Variants in TEX15 observed in about 807,000 individuals in gnomAD.
The protein encoded by TEX15 is testis-expressed protein 15.
TEX15 carries 171 observed loss-of-function variants against 237.3 expected under a neutral mutation model. The observed-to-expected ratio is 0.72, with a 90% CI of 0.64 to 0.82. The LOEUF is 0.82. Ranked by LOEUF, TEX15 falls within the 40% of genes least tolerant of loss-of-function variation. The pLI is 0.00. For missense variants in TEX15, 3,750 were observed against 3,646.5 expected, an observed-to-expected ratio of 1.03 and a Z score of -0.73; for synonymous variants, 1,338 against 1,269.8, an observed-to-expected ratio of 1.05 and a Z score of -1.14.
chr8:30,837,574 C>T lies in TEX15; in HGVS notation c.8710G>A (p.Asp2904Asn). ...TTCATTTCTAGATCAGGATGGACAT[C>T]TTTCACAAAACAGAAAATTGGCTTT... ...LSKPIFCFVK[D>N]VHPDLEMNDT... The change falls in exon 10 of 11, where the codon GAT becomes AAT. Residue 2904 changes from aspartate to asparagine, a missense_variant. Physicochemically the swap from Asp to Asn is conservative, Grantham distance 23. Transcript: ENST00000643185. The T allele has an allele frequency of 6.2e-7, 1 of 1,614,066 alleles. No individual in the cohort carries two copies. The highest frequency in any genetic ancestry group is 8.5e-7 in the Non-Finnish European group (1 of 1,179,978).
chr8:30,860,107 T>C, intron 5 of TEX15, 50 bp from the exon 6 acceptor site: 1 of 1,352,572 alleles, frequency 7.4e-7, no homozygotes, highest in Non-Finnish European at 9.7e-7. Context: ...TACCAAAACG[T>C]TTCTAAACTG....
chr8:30,845,444 C>A lies in TEX15; in HGVS notation c.4723G>T (p.Asp1575Tyr). The A allele has an allele frequency of 6.2e-7, 1 of 1,612,662 alleles. No homozygotes were observed. Among genetic ancestry groups the A allele is most frequent in the Non-Finnish European group, 8.5e-7 (1 of 1,179,248 alleles). Reference sequence around the variant, plus strand: ...CTAGTGCTAGATAAAAATGCTGTATCAATTTGATTTTCTTTTTCTATTAGT... The same window carrying A: ...CTAGTGCTAGATAAAAATGCTGTATAAATTTGATTTTCTTTTTCTATTAGT... Reference protein sequence around the residue: ...EKLIEKENQIDTAFLSSTSKY... With the variant: ...EKLIEKENQIYTAFLSSTSKY... The change falls in exon 8 of 11, where the codon GAT becomes TAT. Residue 1575 changes from aspartate (D) to tyrosine (Y), a missense_variant. Coordinates refer to ENST00000643185, the MANE Select transcript of TEX15 (RefSeq NM_001350162.2).
In TEX15 at chr8:30,848,711, C is replaced by G. The variant is rs1400997928; in HGVS notation, c.1456G>C (p.Asp486His). Residue 486 changes from aspartate to histidine, a missense_variant, in exon 8 of 11, where the codon GAT becomes CAT. Transcript: ENST00000643185. ...SASSSEVVPG[D>H]CAVLTNGLDT... ...AAACCATTAGTAAGAACAGCACAATCACCAGGGACAACTTCTGAGGAGGAG... is the reference window on the plus strand; with the variant it reads ...AAACCATTAGTAAGAACAGCACAATGACCAGGGACAACTTCTGAGGAGGAG... 3 of 1,614,176 alleles carry G rather than the reference C, an allele frequency of 1.9e-6. No individual in the cohort carries two copies. The South Asian group carries it at 3.3e-5, about 18-fold the overall frequency.
rs758411502 is a variant in TEX15 at position 30,848,253 on chromosome 8, A to C, written c.1914T>G (p.Thr638=). 15 of 1,611,888 alleles carry C rather than the reference A, an allele frequency of 9.3e-6. No individual in the cohort carries two copies. Among genetic ancestry groups the C allele is most frequent in the Non-Finnish European group, 9.3e-6 (11 of 1,179,674 alleles). ...AATCATTATCAATTTCTTTCCATGA[A>C]GTTTGCTTTTCTTCATGTTTGGAAC... ...EDSSKHEEKQ[T]SWKEIDNDFT... The change falls in exon 8 of 11, where the codon ACT becomes ACG. Residue 638 remains threonine (T), a synonymous_variant. Coordinates refer to ENST00000643185, the MANE Select transcript of TEX15 (RefSeq NM_001350162.2).
At position 30,843,053 on chromosome 8, in the gene TEX15, T is replaced by C; in HGVS notation, c.7114A>G (p.Ile2372Val). Residue 2372 changes from isoleucine (I) to valine (V), a missense_variant, in exon 8 of 11, where the codon ATT becomes GTT. Transcript: ENST00000643185. ...TCAGCCTGATCCAATATCTCACTAA[T>C]ACAACAAATATCTGGGTGTGCAAGC... ...NLLAHPDICCISEILDQAEFA... is the reference protein window; with the variant it reads ...NLLAHPDICCVSEILDQAEFA... The C allele has an allele frequency of 1.2e-6, 2 of 1,613,624 alleles. No individual in the cohort carries two copies. Among genetic ancestry groups the C allele is most frequent in the Non-Finnish European group, 1.7e-6 (2 of 1,179,710 alleles).
chr8:30,843,871 A>G lies in TEX15; in HGVS notation c.6296T>C (p.Leu2099Ser). Residue 2099 changes from leucine (L) to serine (S), a missense_variant, in exon 8 of 11, where the codon TTG (leucine) becomes TCG (serine). Leu to Ser is a moderately radical substitution (Grantham distance 145, BLOSUM62 -2). Transcript: ENST00000643185. Reference protein sequence around the residue: ...KKRHLEGEPTLRSLLWYDETL... With the variant: ...KKRHLEGEPTSRSLLWYDETL... ...TTCATCATACCAAAGCAAGCTTCGC[A>G]ATGTTGGTTCACCTTCTAAGTGCCT... is the stretch of plus-strand genomic sequence containing the variant. 2 of 1,612,586 alleles carry G rather than the reference A, an allele frequency of 1.2e-6. No homozygotes were observed. The highest frequency in any genetic ancestry group is 2.2e-5 in the South Asian group (2 of 90,716).
At chr8:30,893,112 C>T (rs1808828755) in intron 2 of TEX15, among the ~76,000 whole-genome samples, 1 of 151,814 alleles carries the variant, frequency 6.6e-6, no homozygotes, top group African/African-American at 2.4e-5. Flanking sequence ...GTACCAGACA[C>T]TTTTCTAAAT....
In TEX15 at chr8:30,889,238, G is replaced by A. The variant is rs142097345; in HGVS notation, c.-9-1927C>T. On this transcript the variant is annotated intron_variant, in intron 2 of 10. Coordinates refer to ENST00000643185, the MANE Select transcript of TEX15 (RefSeq NM_001350162.2). ...GAGGCCGAGGTGGGTGGATCACCAGGTCAGGAGTTTGAGACCAGTTTGGCC... is the reference window on the plus strand; with the variant it reads ...GAGGCCGAGGTGGGTGGATCACCAGATCAGGAGTTTGAGACCAGTTTGGCC... 1.8e-4 allele frequency among the ~76,000 whole-genome samples: 27 copies of A among 152,264 alleles called. No individual in the cohort carries two copies. In the East Asian group the frequency reaches 5.2e-3, roughly 29 times the overall value.
chr8:30,912,606 G>A (rs2128781095), intron 1 of TEX15, among the ~76,000 whole-genome samples: 1 of 152,356 alleles, frequency 6.6e-6, no homozygotes, highest in African/African-American at 2.4e-5. Flanking sequence ...GGGAACCCGC[G>A]CATCTGAGGA....
intron 4 of TEX15, among the ~76,000 whole-genome samples, chr8:30,868,072 T>C (rs1300531885): frequency 6.6e-6 from 1 of 151,976 alleles, no homozygotes; most frequent in East Asian, 1.9e-4. Flanking sequence ...CGCACACACA[T>C]GCACAAATAT....
At chr8:30,882,324 T>C (rs1451572546) in intron 3 of TEX15, among the ~76,000 whole-genome samples, 2 of 152,244 alleles carry the variant, frequency 1.3e-5, no homozygotes, top group Non-Finnish European at 2.9e-5. Context: ...TCTCGCTCTG[T>C]CACCCAGGCT....
At chr8:30,880,347 A>G (rs756004232) in intron 3 of TEX15, among the ~76,000 whole-genome samples, 5 of 152,200 alleles carry the variant, frequency 3.3e-5, no homozygotes, top group Non-Finnish European at 7.3e-5. Context: ...GTTATTTTAA[A>G]TGGTATTTTA....
rs1418689367 is a variant in TEX15 at position 30,836,950 on chromosome 8, C to T, written c.9334G>A (p.Val3112Met). 4.3e-6 allele frequency: 7 copies of T among 1,614,032 alleles called. No individual in the cohort carries two copies. The highest frequency in any genetic ancestry group is 1.3e-5 in the African/African-American group (1 of 74,916). Residue 3112 changes from valine (V) to methionine (M), a missense_variant, in exon 10 of 11, where the codon GTG becomes ATG. Val to Met is a conservative substitution (Grantham distance 21). Transcript: ENST00000643185. ...ATTTGAGATTGAAAATACCCATTCACTGGCACAAAGCCATTTGCTTGTGGC... is the reference window on the plus strand; with the variant it reads ...ATTTGAGATTGAAAATACCCATTCATTGGCACAAAGCCATTTGCTTGTGGC... The part of the protein sequence containing the change: ...GEPQANGFVP[V>M]NGYFQSQIPA...
At chr8:30,892,221 G>A (rs1056111532) in intron 2 of TEX15, among the ~76,000 whole-genome samples, 2 of 151,836 alleles carry the variant, frequency 1.3e-5, no homozygotes, top group African/African-American at 4.8e-5. Flanking sequence ...TGTGAATATC[G>A]AACTGCTAGC....
intron 4 of TEX15, among the ~76,000 whole-genome samples, chr8:30,874,449 A>G (rs1808359952): frequency 6.6e-6 from 1 of 152,162 alleles, no homozygotes; most frequent in Non-Finnish European, 1.5e-5. Flanking sequence ...AAACCTGGAG[A>G]AGTACTTTAA....
At chr8:30,905,734 C>CAAAAAAAAAAAAAAAAAAAAA (rs34079195) in intron 1 of TEX15, among the ~76,000 whole-genome samples, 1 of 50,992 alleles carries the variant, frequency 2.0e-5, no homozygotes, top group Non-Finnish European at 3.4e-5. Flanking sequence ...ACAAAAAATA[C>CAAAAAAAAAAAAAAAAAAAAA]AAAAAAAAAA....
chr8:30,844,904 G>T lies in TEX15; in HGVS notation c.5263C>A (p.Pro1755Thr), dbSNP rs754880793. The change falls in exon 8 of 11, where the codon CCA becomes ACA. Residue 1755 changes from proline to threonine, a missense_variant. By Grantham distance (38) the Pro-to-Thr change is conservative. Transcript: ENST00000643185. ...TCTCTACAGCTCTGCTCACAGTGTG[G>T]TACAGTACTGGATGCTGCAAAAGAA... ...VDSFAASSTV[P>T]HCEQSCREKE... The T allele has an allele frequency of 6.2e-7, 1 of 1,613,336 alleles. No homozygotes were observed. Among genetic ancestry groups the T allele is most frequent in the African/African-American group, 1.3e-5 (1 of 74,994 alleles).
At chr8:30,853,913 TAAAG>T (rs572873836) in intron 7 of TEX15, among the ~76,000 whole-genome samples, 94 of 151,944 alleles carry the variant, frequency 6.2e-4, no homozygotes, top group African/African-American at 2.1e-3. Flanking sequence ...ACCAATGAAT[TAAAG>T]AATAAATCAA....
intron 3 of TEX15, among the ~76,000 whole-genome samples, chr8:30,880,060 G>T (rs1808485796): frequency 6.6e-6 from 1 of 151,864 alleles, no homozygotes; most frequent in Non-Finnish European, 1.5e-5. Context: ...GTGGAATCTT[G>T]CTCTGTCACC....
Sources: gnomAD v4.1 joint callset for allele counts (sites outside exome capture counted in the v4.1 genomes callset) on GRCh38, gnomAD v4.1.1 for gene constraint, MANE v1.5 for transcripts, NCBI Gene and HGNC (gene_info 2026-07-23, HGNC 2026-07-21) for gene names.